BLOC1S5: variants seen among roughly 807,000 people sequenced by gnomAD.
BLOC1S5 encodes biogenesis of lysosome-related organelles complex 1 subunit 5.
BLOC1S5 carries 27 observed loss-of-function variants against 24.3 expected under a neutral mutation model. The observed-to-expected ratio is 1.11, with a 90% CI of 0.82 to 1.53. BLOC1S5 has a LOEUF of 1.53. Ranked by LOEUF, BLOC1S5 falls within the 40% of genes most tolerant of loss-of-function variation. The pLI is 0.00. For synonymous variants in BLOC1S5, 84 were observed against 74.5 expected (o/e 1.13, Z -0.66); for missense variants, 239 against 229.4 (o/e 1.04, Z -0.27).
At chr6:8,026,875 T>C (rs77463701) in intron 3 of BLOC1S5, among the ~76,000 whole-genome samples, 5,959 of 152,324 alleles carry the variant, frequency 0.039, 371 homozygotes, top group African/African-American at 0.13. Flanking sequence ...GTAATAATTA[T>C]TGTAATTATT....
At chr6:8,022,360 C>A (rs1357703821) in intron 4 of BLOC1S5, among the ~76,000 whole-genome samples, 1 of 151,220 alleles carries the variant, frequency 6.6e-6, no homozygotes, top group Admixed American at 6.6e-5. Flanking sequence ...AAAACCTGGT[C>A]TACGGGAAAA....
At chr6:8,019,607 A>G (rs929427015) in intron 4 of BLOC1S5, among the ~76,000 whole-genome samples, 7 of 145,782 alleles carry the variant, frequency 4.8e-5, no homozygotes, top group South Asian at 2.4e-4. Context: ...TAAAGAAAAA[A>G]GGGGGGGGGG....
At chr6:8,063,871 AGAGT>A (rs1421685099) in intron 1 of BLOC1S5, among the ~76,000 whole-genome samples, 5 of 152,280 alleles carry the variant, frequency 3.3e-5, no homozygotes, top group African/African-American at 9.6e-5. Flanking sequence ...ATCGGGTAGG[AGAGT>A]GAGTAAAGCC....
At chr6:8,051,969 CTT>C (rs770301308) in intron 2 of BLOC1S5, among the ~76,000 whole-genome samples, 2,948 of 109,804 alleles carry the variant, frequency 0.027, 50 homozygotes, top group African/African-American at 0.087. Context: ...ACATCCATGC[CTT>C]TTTTTTTTTT....
intron 3 of BLOC1S5, among the ~76,000 whole-genome samples, chr6:8,029,395 T>C (rs886532961): frequency 6.6e-6 from 1 of 152,172 alleles, no homozygotes; most frequent in African/African-American, 2.4e-5. Context: ...CCCTGACTCA[T>C]GGTTTCTATG....
At chr6:8,045,623 C>A (rs1286301458) in intron 2 of BLOC1S5, among the ~76,000 whole-genome samples, 1 of 152,154 alleles carries the variant, frequency 6.6e-6, no homozygotes, top group Non-Finnish European at 1.5e-5. Flanking sequence ...GCTGGAGCCT[C>A]CCAAGACCAT....
chr6:8,023,818 G>A (rs187536949), intron 4 of BLOC1S5, among the ~76,000 whole-genome samples: 21 of 140,810 alleles, frequency 1.5e-4, no homozygotes, highest in African/African-American at 6.1e-4. Flanking sequence ...GTGTGTGTGC[G>A]TGCACATGTG....
intron 4 of BLOC1S5, chr6:8,017,928 T>C (rs947644343): frequency 6.6e-6 from 1 of 152,228 alleles, no homozygotes; most frequent in Admixed American, 6.5e-5. Context: ...ACAAACGGTC[T>C]TCTGAGAGTC....
Position 8,052,689 on chromosome 6 carries a change from G to A in BLOC1S5, c.195+9845C>T, listed in dbSNP as rs561071560. Among the ~76,000 whole-genome samples, 5 of 152,032 alleles carry A rather than the reference G, an allele frequency of 3.3e-5. No individual in the cohort carries two copies. The East Asian group carries it at 5.8e-4, about 18-fold the overall frequency. On this transcript the variant is annotated intron_variant, in intron 2 of 4. Transcript: ENST00000397457. Reference sequence around the variant, plus strand: ...TGGCAGATCACGAGGTCAGGAGATCGAGATCATCCTGGCTAACATGGTGAA... The same window carrying A: ...TGGCAGATCACGAGGTCAGGAGATCAAGATCATCCTGGCTAACATGGTGAA...
intron 2 of BLOC1S5, among the ~76,000 whole-genome samples, chr6:8,052,441 A>G (rs1290415661): frequency 6.6e-6 from 1 of 152,234 alleles, no homozygotes; most frequent in Non-Finnish European, 1.5e-5. Context: ...GCCATTAAGA[A>G]CATTAATGAT....
At chr6:8,041,304 G>GTTTTT in intron 2 of BLOC1S5, 36 bp from the exon 3 acceptor site, 1 of 961,620 alleles carries the variant, frequency 1.0e-6, no homozygotes, top group Non-Finnish European at 1.4e-6. Context: ...TAAATATGGT[G>GTTTTT]TCTTTTCCTT....
At chr6:8,023,698 T>A (rs532904071) in intron 4 of BLOC1S5, among the ~76,000 whole-genome samples, 1 of 152,214 alleles carries the variant, frequency 6.6e-6, no homozygotes, top group Non-Finnish European at 1.5e-5. Flanking sequence ...TGCAATAGTA[T>A]AACCAAGGGC....
At chr6:8,019,659 A>C (rs1253953497) in intron 4 of BLOC1S5, among the ~76,000 whole-genome samples, 1 of 152,056 alleles carries the variant, frequency 6.6e-6, no homozygotes, top group African/African-American at 2.4e-5. Flanking sequence ...CAGTCTTTAC[A>C]TACAAATAAA....
intron 2 of BLOC1S5, chr6:8,054,192 T>C: frequency 2.4e-6 from 1 of 423,406 alleles, no homozygotes; most frequent in Non-Finnish European, 4.7e-6. Context: ...GGATCCAATT[T>C]GAAACAGCAT....
chr6:8,043,451 G>C (rs1205492322), intron 2 of BLOC1S5, among the ~76,000 whole-genome samples: 1 of 151,972 alleles, frequency 6.6e-6, no homozygotes, highest in Non-Finnish European at 1.5e-5. Flanking sequence ...CATAACCCCA[G>C]TCTAGTCATG....
intron 2 of BLOC1S5, among the ~76,000 whole-genome samples, chr6:8,049,261 C>T (rs1475106450): frequency 6.6e-6 from 1 of 151,900 alleles, no homozygotes; most frequent in Non-Finnish European, 1.5e-5. Context: ...ATCCCAACTA[C>T]TCGGGAGGCT....
chr6:8,034,084 A>T (rs1763400926), intron 3 of BLOC1S5, among the ~76,000 whole-genome samples: 3 of 152,174 alleles, frequency 2.0e-5, no homozygotes, highest in Non-Finnish European at 4.4e-5. Flanking sequence ...TTCCTCAAGG[A>T]TCTAGAACTA....
At chr6:8,020,015 T>C (rs1323655009) in intron 4 of BLOC1S5, among the ~76,000 whole-genome samples, 2 of 152,208 alleles carry the variant, frequency 1.3e-5, no homozygotes, top group Non-Finnish European at 2.9e-5. Context: ...CATAGCACAG[T>C]GTCTCTCTTT....
chr6:8,047,552 T>C (rs1243419157), intron 2 of BLOC1S5, among the ~76,000 whole-genome samples: 1 of 152,186 alleles, frequency 6.6e-6, no homozygotes, highest in Non-Finnish European at 1.5e-5. Context: ...TTTTATATAC[T>C]GCAATTGATT....
Sources: allele counts gnomAD v4.1 joint callset (sites outside exome capture counted in the v4.1 genomes callset), GRCh38; gene constraint gnomAD v4.1.1; transcripts MANE v1.5; gene names NCBI Gene and HGNC (gene_info 2026-07-23, HGNC 2026-07-21).